The following ZNF844 variants were observed in gnomAD, a reference collection of about 807,000 sequenced individuals.
ZNF844 encodes the protein zinc finger protein 844.
Under a neutral mutation model 11.4 loss-of-function variants are expected in ZNF844, and 11 were observed. The observed-to-expected ratio is 0.97, with a 90% CI of 0.61 to 1.60. The LOEUF is 1.60. Ranked by LOEUF, ZNF844 falls within the 40% of genes most tolerant of loss-of-function variation. ZNF844 has a pLI of 0.00. For missense variants in ZNF844, 790 were observed against 796.8 expected, an observed-to-expected ratio of 0.99 and a Z score of 0.10; for synonymous variants, 248 against 260.3, an observed-to-expected ratio of 0.95 and a Z score of 0.46.
intron 1 of ZNF844, among the ~76,000 whole-genome samples, chr19:12,067,990 A>AGG (rs1568357660): frequency 6.7e-6 from 1 of 150,302 alleles, no homozygotes; most frequent in African/African-American, 2.5e-5. Context: ...GAAGGAAAGA[A>AGG]AATTAAAAAT....
In ZNF844 at chr19:12,080,307, G is replaced by A. The variant is rs146932560; in HGVS notation, c.*3186G>A. ...AGAGCTTGCAGTGAACCGAGATCGCGCCACTGCACTCCAGCGGCGACAGAG... is the reference window on the plus strand; with the variant it reads ...AGAGCTTGCAGTGAACCGAGATCGCACCACTGCACTCCAGCGGCGACAGAG... On this transcript the variant is annotated 3_prime_UTR_variant, in exon 4 of 4. Coordinates refer to ENST00000439326, the MANE Select transcript of ZNF844 (RefSeq NM_001136501.3). 4.6e-3 allele frequency: 1,146 copies of A among 246,524 alleles called. 8 individuals are homozygous for A. The highest frequency in any genetic ancestry group is 9.7e-3 in the Middle Eastern group (12 of 1,240). 15.3% of individuals were successfully genotyped at this position (246,524 alleles called of 1,614,324 possible).
At chr19:12,069,575 A>ATT (rs111579049) in intron 1 of ZNF844, among the ~76,000 whole-genome samples, 1 of 145,516 alleles carries the variant, frequency 6.9e-6, no homozygotes. Flanking sequence ...CCAAAAAGGA[A>ATT]TTTTTTTTTT....
chr19:12,072,074 A>G (rs1224152050), intron 1 of ZNF844, among the ~76,000 whole-genome samples: 1 of 151,854 alleles, frequency 6.6e-6, no homozygotes, highest in South Asian at 2.1e-4. Context: ...TTTAGTAGAG[A>G]TGGGGTTTCA....
chr19:12,072,654 G>A (rs1236277150), intron 1 of ZNF844, among the ~76,000 whole-genome samples: 2 of 151,790 alleles, frequency 1.3e-5, no homozygotes, highest in African/African-American at 2.4e-5. Context: ...CGCGATCTAC[G>A]CTCACTGCAA....
intron 2 of ZNF844, 48 bp downstream of exon 2, chr19:12,074,205 T>G (rs748670870): frequency 3.1e-6 from 5 of 1,609,234 alleles, no homozygotes; most frequent in Admixed American, 3.4e-5. Flanking sequence ...CAAGTGTTTC[T>G]AGCTCATTAA....
At position 12,077,766 on chromosome 19, in the gene ZNF844, A is replaced by G. The variant is rs1975848092; in HGVS notation, c.*645A>G. 2.7e-6 allele frequency: 1 copy of G among 365,820 alleles called. No homozygotes were observed. Among genetic ancestry groups the G allele is most frequent in the Non-Finnish European group, 5.4e-6 (1 of 185,236 alleles). The allele number at this position is 365,820 out of a possible 1,614,324, so 22.7% of individuals were successfully genotyped here. A position where few individuals can be genotyped will look rare whatever the true frequency, so the allele number is the denominator to read the frequency against. ...CTTCAGATTTGCTAAGAACCTTCAA[A>G]TACAGACAATGAATGTAAACAATTA... On this transcript the variant is annotated 3_prime_UTR_variant, in exon 4 of 4. Coordinates refer to ENST00000439326, the MANE Select transcript of ZNF844 (RefSeq NM_001136501.3).
Position 12,075,345 on chromosome 19 carries a change from A to G in ZNF844, c.225A>G (p.Thr75=), listed in dbSNP as rs1975795091. Residue 75 remains threonine, a synonymous_variant, in exon 4 of 4, where the codon ACA becomes ACG. Transcript: ENST00000439326. ...TGGGAGAGAGAGTTGATGAAAATAC[A>G]GAAGAAAATCATTGTGGAGAAACTT... is the stretch of plus-strand genomic sequence containing the variant. ...SLLGERVDEN[T]EENHCGETSS... is the part of the protein sequence containing the mutation. The G allele has an allele frequency of 6.7e-7, 1 of 1,492,934 alleles. No individual in the cohort carries two copies. The highest frequency in any genetic ancestry group is 2.6e-5 in the Admixed American group (1 of 37,736). The allele number at this position is 1,492,934 out of a possible 1,614,324, so 92.5% of individuals were successfully genotyped here. A position where few individuals can be genotyped will look rare whatever the true frequency, so the allele number is the denominator to read the frequency against.
rs1302117896 is a variant in ZNF844, at chr19:12,081,166, A to T, written c.*4045A>T. The T allele has an allele frequency of 6.6e-6, 1 of 152,084 alleles. No individual in the cohort carries two copies. Among genetic ancestry groups the T allele is most frequent in the African/African-American group, 2.4e-5 (1 of 41,376 alleles). 9.4% of individuals were successfully genotyped at this position (152,084 alleles called of 1,614,324 possible). On this transcript the variant is annotated 3_prime_UTR_variant, in exon 4 of 4. Coordinates refer to ENST00000439326, the MANE Select transcript of ZNF844 (RefSeq NM_001136501.3). ...ACTTTGTATATTGAGTCAGTATGAG[A>T]TGCGATTTGTTTGGCAAGCACCTTT...
At position 12,064,773 on chromosome 19, in the gene ZNF844, T is replaced by G; in HGVS notation, c.-101T>G. On this transcript the variant is annotated 5_prime_UTR_variant, in exon 1 of 4. Coordinates refer to ENST00000439326, the MANE Select transcript of ZNF844 (RefSeq NM_001136501.3). ...GCCGGGTGAGGTTGGCACCCCGTTT[T>G]TCCTGCTCTGAGAGGGACCGGTTGC... The G allele has an allele frequency of 7.3e-7, 1 of 1,368,462 alleles. No individual in the cohort carries two copies. The highest frequency in any genetic ancestry group is 1.0e-6 in the Non-Finnish European group (1 of 1,003,122). The allele number at this position is 1,368,462 out of a possible 1,614,324, so 84.8% of individuals were successfully genotyped here. A position where few individuals can be genotyped will look rare whatever the true frequency, so the allele number is the denominator to read the frequency against.
chr19:12,079,365 A>G lies in ZNF844; in HGVS notation c.*2244A>G, dbSNP rs1165470557. Reference sequence around the variant, plus strand: ...ATTAATATATGAGAGAAATCCTATTATAAGAAATTGATTGCTGTGCACGGT... The same window carrying G: ...ATTAATATATGAGAGAAATCCTATTGTAAGAAATTGATTGCTGTGCACGGT... On this transcript the variant is annotated 3_prime_UTR_variant, in exon 4 of 4. Transcript: ENST00000439326. 1.3e-5 allele frequency: 2 copies of G among 152,170 alleles called. No individual in the cohort carries two copies. The highest frequency in any genetic ancestry group is 2.1e-4 in the South Asian group (1 of 4,828). The allele number at this position is 152,170 out of a possible 1,614,324, so 9.4% of individuals were successfully genotyped here.
intron 1 of ZNF844, among the ~76,000 whole-genome samples, chr19:12,069,575 ATT>A (rs111579049): frequency 2.7e-5 from 4 of 145,508 alleles, no homozygotes; most frequent in Non-Finnish European, 3.0e-5. Flanking sequence ...CCAAAAAGGA[ATT>A]TTTTTTTTTT....
Position 12,064,738 on chromosome 19 carries a change from G to T in ZNF844, c.-136G>T. 1 of 870,130 alleles carries T rather than the reference G, an allele frequency of 1.1e-6. No individual in the cohort carries two copies. The highest frequency in any genetic ancestry group is 1.7e-6 in the Non-Finnish European group (1 of 572,984). The allele number at this position is 870,130 out of a possible 1,614,324, so 53.9% of individuals were successfully genotyped here. A position where few individuals can be genotyped will look rare whatever the true frequency, so the allele number is the denominator to read the frequency against. ...CACATTGCCGTTCGCCTCAGTCTTT[G>T]GCCCCTCCCGCCGGGTGAGGTTGGC... On this transcript the variant is annotated 5_prime_UTR_variant, in exon 1 of 4. Transcript: ENST00000439326.
chr19:12,071,133 G>A (rs904963813), intron 1 of ZNF844, among the ~76,000 whole-genome samples: 2 of 151,924 alleles, frequency 1.3e-5, no homozygotes, highest in African/African-American at 4.8e-5. Flanking sequence ...TAAGTTTCTG[G>A]TTTCCTCCCC....
In ZNF844 at chr19:12,076,804, A is replaced by G; in HGVS notation, c.1684A>G (p.Asn562Asp). 1.9e-6 allele frequency: 3 copies of G among 1,563,504 alleles called. No individual in the cohort carries two copies. Among genetic ancestry groups the G allele is most frequent in the Non-Finnish European group, 2.6e-6 (3 of 1,153,272 alleles). The change falls in exon 4 of 4, where the codon AAT (asparagine) becomes GAT (aspartate). Residue 562 changes from asparagine (N) to aspartate (D), a missense_variant. Around this residue, in one of 3 missense-constraint regions of ZNF844, gnomAD observed 657 missense variants for 636.2 expected, o/e 1.03. Transcript: ENST00000439326. ...CACCCTGGAGAGAAACCCTATAAGG[A>G]ATATGGAAAAGCATTCAACAATTTC... Reference protein sequence around the residue: ...RHTLERNPIRNMEKHSTISLP... With the variant: ...RHTLERNPIRDMEKHSTISLP...
rs1975812685 is a variant in ZNF844 at position 12,076,151 on chromosome 19, A to AAGC, written c.1033_1035dup (p.Ala345dup). 1.3e-6 allele frequency: 2 copies of AAGC among 1,577,458 alleles called. No individual in the cohort carries two copies. Among genetic ancestry groups the AAGC allele is most frequent in the African/African-American group, 2.7e-5 (2 of 73,612 alleles). Reference sequence around the variant, plus strand: ...CCCTGTGAATGTAAACAATGTGGGAAAGCATTATCTTATCTTAACTTTCAA... The same window carrying AAGC: ...CCCTGTGAATGTAAACAATGTGGGAAAGCAGCATTATCTTATCTTAACTTTCAA... On this transcript the variant is annotated inframe_insertion, in exon 4 of 4. Coordinates refer to ENST00000439326, the MANE Select transcript of ZNF844 (RefSeq NM_001136501.3).
rs1412425343 is a variant in ZNF844 at position 12,069,340 on chromosome 19, G to A, written c.3+4464G>A. ...TGGGATTACAGGCGCCCAGCACCAT[G>A]CCCGGCTAATTTTTTGTATTGTTAG... On this transcript the variant is annotated intron_variant, in intron 1 of 3. Transcript: ENST00000439326. Among the ~76,000 whole-genome samples, 3 of 151,344 alleles carry A rather than the reference G, an allele frequency of 2.0e-5. No individual in the cohort carries two copies. In the East Asian group the frequency reaches 5.9e-4, roughly 30 times the overall value.
At chr19:12,069,183 T>G (rs1975725141) in intron 1 of ZNF844, among the ~76,000 whole-genome samples, 1 of 144,758 alleles carries the variant, frequency 6.9e-6, no homozygotes, top group South Asian at 2.2e-4. Flanking sequence ...TTATTCCTTT[T>G]TTTTTTTTTT....
rs918024856 is a variant in ZNF844, at chr19:12,076,189, A to G, written c.1069A>G (p.Met357Val). Residue 357 changes from methionine to valine, a missense_variant, in exon 4 of 4, where the codon ATG (methionine) becomes GTG (valine). Met to Val is a conservative substitution (Grantham distance 21). This residue lies in a region of ZNF844 where 657 missense variants were observed against 636.2 expected (regional missense o/e 1.03). Transcript: ENST00000439326. ...SYLNFQRHMK[M>V]HTRMRPYKCK... ...TCTTAACTTTCAAAGACACATGAAA[A>G]TGCACACTAGAATGAGACCTTATAA... 2 of 1,588,242 alleles carry G rather than the reference A, an allele frequency of 1.3e-6. No homozygotes were observed. The highest frequency in any genetic ancestry group is 2.7e-5 in the African/African-American group (2 of 73,910).
intron 1 of ZNF844, among the ~76,000 whole-genome samples, chr19:12,065,788 C>T (rs1975681266): frequency 6.6e-6 from 1 of 151,908 alleles, no homozygotes; most frequent in Non-Finnish European, 1.5e-5. Context: ...AGGCACGCCA[C>T]CACGCCCTGC....
Sources: gnomAD v4.1 joint callset for allele counts (sites outside exome capture counted in the v4.1 genomes callset) on GRCh38, gnomAD v4.1.1 for gene constraint, gnomAD v4.1.1 regional missense constraint, MANE v1.5 for transcripts, NCBI Gene and HGNC (gene_info 2026-07-23, HGNC 2026-07-21) for gene names.